Variants in PIK3C3 observed in about 807,000 individuals in gnomAD.
PIK3C3 encodes the protein phosphatidylinositol 3-kinase catalytic subunit type 3, also known as PI3-kinase type 3.
A neutral mutation model predicts 126.1 loss-of-function variants in PIK3C3; 95 were observed. The ratio of observed to expected loss-of-function variants is 0.75; its 90% CI spans 0.64 to 0.89. The LOEUF is 0.89. Among genes scored for constraint, PIK3C3 ranks in the 40% least tolerant of loss-of-function variants. The probability of loss-of-function intolerance (pLI) is 0.00; values close to 1 mark genes in which losing one functional copy is unlikely to be tolerated. For missense variants in PIK3C3, 829 were observed against 1,063.2 expected, an observed-to-expected ratio of 0.78 and a Z score of 3.06; for synonymous variants, 374 against 360.0, an observed-to-expected ratio of 1.04 and a Z score of -0.44.
intron 3 of PIK3C3, among the ~76,000 whole-genome samples, chr18:41,966,154 T>C (rs1318582525): frequency 1.3e-5 from 2 of 151,548 alleles, no homozygotes; most frequent in Non-Finnish European, 2.9e-5. Flanking sequence ...TCCATTCATA[T>C]CTCTTTGCTA....
intron 11 of PIK3C3, among the ~76,000 whole-genome samples, chr18:42,013,919 G>T (rs891625090): frequency 2.6e-5 from 4 of 152,102 alleles, no homozygotes; most frequent in Non-Finnish European, 5.9e-5. Context: ...ATCTTTAAGG[G>T]TTGTTTAATC....
chr18:42,061,097 G>T (rs993317899), intron 22 of PIK3C3, among the ~76,000 whole-genome samples: 1 of 152,232 alleles, frequency 6.6e-6, no homozygotes, highest in East Asian at 1.9e-4. Flanking sequence ...TGTGACTAGA[G>T]TGTAGCACAA....
chr18:41,988,269 T>A (rs1981596798), intron 5 of PIK3C3, among the ~76,000 whole-genome samples: 1 of 152,160 alleles, frequency 6.6e-6, no homozygotes, highest in African/African-American at 2.4e-5. Flanking sequence ...ATAAATCATT[T>A]CAGCAAGTTC....
At chr18:42,030,788 G>T (rs183507907) in intron 15 of PIK3C3, among the ~76,000 whole-genome samples, 141 of 152,288 alleles carry the variant, frequency 9.3e-4, no homozygotes, top group Non-Finnish European at 1.6e-3. Context: ...ACCAGCAGAG[G>T]GAGTGTCTGC....
chr18:41,956,289 G>T (rs927123600), intron 1 of PIK3C3, among the ~76,000 whole-genome samples: 2 of 151,876 alleles, frequency 1.3e-5, no homozygotes, highest in Admixed American at 1.3e-4. Context: ...TCCCTTATTC[G>T]CTGACAAATA....
At chr18:42,002,865 G>T (rs1234688667) in intron 9 of PIK3C3, among the ~76,000 whole-genome samples, 1 of 152,182 alleles carries the variant, frequency 6.6e-6, no homozygotes, top group African/African-American at 2.4e-5. Context: ...AGGAGATATT[G>T]CTAGGAAATA....
intron 1 of PIK3C3, among the ~76,000 whole-genome samples, chr18:41,956,733 C>G (rs376717534): frequency 2.0e-5 from 3 of 152,094 alleles, no homozygotes; most frequent in East Asian, 3.9e-4. Flanking sequence ...ATTTATCTTA[C>G]TGTAATGGGA....
At chr18:41,970,094 TTC>T (rs1347363597) in intron 3 of PIK3C3, among the ~76,000 whole-genome samples, 1 of 152,154 alleles carries the variant, frequency 6.6e-6, no homozygotes, top group Non-Finnish European at 1.5e-5. Flanking sequence ...CTGTGTAGAA[TTC>T]TCTGTCATAG....
intron 4 of PIK3C3, among the ~76,000 whole-genome samples, chr18:41,973,102 G>C (rs1980748518): frequency 6.6e-6 from 1 of 152,008 alleles, no homozygotes; most frequent in East Asian, 1.9e-4. Flanking sequence ...TACTGATATA[G>C]GAAATAATTG....
chr18:41,985,466 TGGTACC>T lies in PIK3C3; in HGVS notation c.532-2345_532-2340del, dbSNP rs1303049699. Among the ~76,000 whole-genome samples the T allele has an allele frequency of 2.0e-5, 3 of 152,248 alleles. No homozygotes were observed. The East Asian group carries it at 5.8e-4, about 29-fold the overall frequency. On this transcript the variant is annotated intron_variant, in intron 4 of 24. Coordinates refer to ENST00000262039, the MANE Select transcript of PIK3C3 (RefSeq NM_002647.4). ...ATGCAAACAATTTCCATAGCATAAA[TGGTACC>T]TTTAATTTTGCAATCGGTTTTGCAC...
In PIK3C3 at chr18:42,084,980, T is replaced by C. The variant is rs561995033; in HGVS notation, c.*3843T>C. The C allele has an allele frequency of 2.0e-5, 3 of 152,356 alleles. No individual in the cohort carries two copies. The highest frequency in any genetic ancestry group is 4.4e-5 in the Non-Finnish European group (3 of 68,060). The allele number at this position is 152,356 out of a possible 1,614,324, so 9.4% of individuals were successfully genotyped here. On this transcript the variant is annotated 3_prime_UTR_variant, in exon 25 of 25. Transcript: ENST00000262039. ...GCTGGGAAGGCATAAGAACAGAAGA[T>C]AAATTTGAGGCTCTGTTACGCTGGT...
At chr18:42,054,825 A>G (rs538541430) in intron 21 of PIK3C3, among the ~76,000 whole-genome samples, 17 of 152,194 alleles carry the variant, frequency 1.1e-4, no homozygotes, top group African/African-American at 4.1e-4. Flanking sequence ...GGTTTGAATG[A>G]GATAAGTAGA....
rs934048810 is a variant in PIK3C3, at chr18:42,040,659, G to A, written c.2039-18G>A. 2 of 1,576,636 alleles carry A rather than the reference G, an allele frequency of 1.3e-6. No homozygotes were observed. The highest frequency in any genetic ancestry group is 3.4e-5 in the Admixed American group (2 of 58,864). ...AACCAGTAGCTATGCTTAATGCAGT[G>A]CATACATTTCTGTGTAGGCTTCATG... On this transcript the variant is annotated intron_variant, in intron 18 of 24. Coordinates refer to ENST00000262039, the MANE Select transcript of PIK3C3 (RefSeq NM_002647.4).
At chr18:41,955,782 G>A (rs1979739341) in intron 1 of PIK3C3, among the ~76,000 whole-genome samples, 1 of 152,196 alleles carries the variant, frequency 6.6e-6, no homozygotes, top group Non-Finnish European at 1.5e-5. Context: ...ACAGGCAGAT[G>A]CGATAGTTGA....
At chr18:42,012,547 T>C (rs900101205) in intron 10 of PIK3C3, among the ~76,000 whole-genome samples, 9 of 152,170 alleles carry the variant, frequency 5.9e-5, no homozygotes, top group African/African-American at 1.9e-4. Flanking sequence ...CTTTGCAATT[T>C]TCTTCACTTT....
At chr18:42,062,029 C>T (rs1274836759) in intron 22 of PIK3C3, among the ~76,000 whole-genome samples, 2 of 151,962 alleles carry the variant, frequency 1.3e-5, no homozygotes, top group Admixed American at 6.6e-5. Context: ...AGATTGGGCT[C>T]AGGCATTGAT....
chr18:41,976,011 C>G (rs1292212246), intron 4 of PIK3C3, among the ~76,000 whole-genome samples: 1 of 152,112 alleles, frequency 6.6e-6, no homozygotes, highest in East Asian at 1.9e-4. Context: ...AAAGGACTTT[C>G]TTTATAGTAT....
chr18:41,963,102 C>T (rs944921523), intron 3 of PIK3C3, among the ~76,000 whole-genome samples: 2 of 151,898 alleles, frequency 1.3e-5, no homozygotes, highest in African/African-American at 4.8e-5. Flanking sequence ...AAAAAAAAAT[C>T]CCATAGTCCC....
chr18:42,029,269 A>G (rs1319701134), intron 14 of PIK3C3, 56 bp from the exon 15 acceptor site: 1 of 1,024,924 alleles, frequency 9.8e-7, no homozygotes, highest in African/African-American at 1.6e-5. Context: ...GCTGTTAAAG[A>G]AATCCAGATC....
Sources: allele counts gnomAD v4.1 joint callset (sites outside exome capture counted in the v4.1 genomes callset), GRCh38; gene constraint gnomAD v4.1.1; transcripts MANE v1.5; gene names NCBI Gene and HGNC (gene_info 2026-07-23, HGNC 2026-07-21).